Variants in IL12RB2 observed in about 807,000 individuals in gnomAD.
IL12RB2 encodes interleukin-12 receptor subunit beta-2.
Under a neutral mutation model 89.4 loss-of-function variants are expected in IL12RB2, and 82 were observed. That is an observed-to-expected ratio of 0.92 (90% CI 0.77 to 1.10). IL12RB2 has a LOEUF of 1.10. Among genes scored for constraint, IL12RB2 ranks in the 50% least tolerant of loss-of-function variants. The probability of loss-of-function intolerance (pLI) is 0.00; values close to 1 mark genes in which losing one functional copy is unlikely to be tolerated. For synonymous variants in IL12RB2, 368 were observed against 370.1 expected, an observed-to-expected ratio of 0.99 and a Z score of 0.07; for missense variants, 963 against 1,031.9, an observed-to-expected ratio of 0.93 and a Z score of 0.92.
chr1:67,326,921 T>C, intron 5 of IL12RB2, 72 bp downstream of exon 5: 1 of 1,203,314 alleles, frequency 8.3e-7, no homozygotes, highest in Middle Eastern at 2.8e-4. Context: ...AATATCTGTT[T>C]TCTTTATTTA....
intron 10 of IL12RB2, among the ~76,000 whole-genome samples, chr1:67,364,706 C>A (rs554663922): frequency 6.6e-6 from 1 of 152,316 alleles, no homozygotes; most frequent in Admixed American, 6.5e-5. Flanking sequence ...GACTTCAAGA[C>A]CACTGTGTCA....
intron 8 of IL12RB2, among the ~76,000 whole-genome samples, chr1:67,337,489 G>A (rs930818544): frequency 6.6e-6 from 1 of 152,096 alleles, no homozygotes; most frequent in African/African-American, 2.4e-5. Context: ...ACACATACAG[G>A]AGTTGATTAT....
intron 8 of IL12RB2, among the ~76,000 whole-genome samples, chr1:67,338,051 G>A (rs1659025343): frequency 6.6e-6 from 1 of 151,834 alleles, no homozygotes; most frequent in Admixed American, 6.6e-5. Flanking sequence ...TTAAGGCCGG[G>A]TGCAGTGGCT....
intron 8 of IL12RB2, among the ~76,000 whole-genome samples, chr1:67,332,784 A>G (rs1658266352): frequency 6.6e-6 from 1 of 152,218 alleles, no homozygotes; most frequent in Non-Finnish European, 1.5e-5. Context: ...AAAATATTTA[A>G]GTTATATCAC....
At chr1:67,326,169 A>G (rs1323458951) in intron 4 of IL12RB2, among the ~76,000 whole-genome samples, 1 of 152,242 alleles carries the variant, frequency 6.6e-6, no homozygotes, top group East Asian at 1.9e-4. Context: ...GTGTCTTGAC[A>G]GCAAATATCA....
intron 16 of IL12RB2, among the ~76,000 whole-genome samples, chr1:67,391,805 T>A (rs949554222): frequency 6.6e-6 from 1 of 151,688 alleles, no homozygotes; most frequent in African/African-American, 2.4e-5. Flanking sequence ...CCCGGCTAAT[T>A]TTTTTTTATT....
At chr1:67,344,629 C>T (rs1189561589) in intron 9 of IL12RB2, among the ~76,000 whole-genome samples, 1 of 152,208 alleles carries the variant, frequency 6.6e-6, no homozygotes, top group Non-Finnish European at 1.5e-5. Flanking sequence ...AGATCCAGAA[C>T]ATTGTCATTT....
At chr1:67,379,516 A>AAAAAAG (rs1664354058) in intron 13 of IL12RB2, among the ~76,000 whole-genome samples, 1 of 151,046 alleles carries the variant, frequency 6.6e-6, no homozygotes, top group Non-Finnish European at 1.5e-5. Flanking sequence ...TCTCAAAAAA[A>AAAAAAG]AAAAAAAAAA....
Position 67,380,074 on chromosome 1 carries a change from A to G in IL12RB2, c.1806A>G (p.Thr602=). The stretch of plus-strand genomic sequence containing the variant: ...ATGTCCTGTGGATGACAGCTCTGAC[A>G]GCTGCTGGTGAAAGTTCCCACGGAA... ...VTYVLWMTAL[T]AAGESSHGNE... is the part of the protein sequence containing the mutation. The change falls in exon 14 of 17, where the codon ACA becomes ACG. Residue 602 remains threonine, a synonymous_variant. Transcript: ENST00000674203. The G allele has an allele frequency of 6.2e-7, 1 of 1,614,172 alleles. No homozygotes were observed. Among genetic ancestry groups the G allele is most frequent in the Non-Finnish European group, 8.5e-7 (1 of 1,179,976 alleles).
At chr1:67,383,869 C>T (rs1416845439) in intron 14 of IL12RB2, among the ~76,000 whole-genome samples, 2 of 152,216 alleles carry the variant, frequency 1.3e-5, no homozygotes, top group African/African-American at 4.8e-5. Context: ...AGGTTAACTC[C>T]ATGTCTCACA....
rs192718376 is a variant in IL12RB2 at position 67,384,582 on chromosome 1, G to A, written c.1856-1997G>A. On this transcript the variant is annotated intron_variant, in intron 14 of 16. Coordinates refer to ENST00000674203, the MANE Select transcript of IL12RB2 (RefSeq NM_001374259.2). Reference sequence around the variant, plus strand: ...CTCATTACCTATGCAAATTTCTGCAGCCAGCTTGACTTTCTCCCCAGAAAA... The same window carrying A: ...CTCATTACCTATGCAAATTTCTGCAACCAGCTTGACTTTCTCCCCAGAAAA... Among the ~76,000 whole-genome samples, 340 of 152,306 alleles carry A rather than the reference G, an allele frequency of 2.2e-3. 1 individual carries two copies. Among genetic ancestry groups the A allele is most frequent in the African/African-American group, 7.9e-3 (330 of 41,564 alleles).
rs1402267044 is a variant in IL12RB2, at chr1:67,398,448, T to A, written c.*2359T>A. 6.6e-6 allele frequency among the ~76,000 whole-genome samples: 1 copy of A among 151,166 alleles called. No homozygotes were observed. The highest frequency in any genetic ancestry group is 1.5e-5 in the Non-Finnish European group (1 of 67,838). ...CCAAGTCTCCCATTTAACCTCCCCA[T>A]CCTTTTCTTTCCCTTAAAGTCTCAT... On this transcript the variant is annotated 3_prime_UTR_variant, in exon 17 of 17. Coordinates refer to ENST00000674203, the MANE Select transcript of IL12RB2 (RefSeq NM_001374259.2).
chr1:67,323,491 T>C (rs140775483), intron 4 of IL12RB2, among the ~76,000 whole-genome samples: 2 of 152,302 alleles, frequency 1.3e-5, no homozygotes, highest in Non-Finnish European at 2.9e-5. Context: ...AGACCTCTTA[T>C]ATGCAAAGTG....
chr1:67,313,792 C>G (rs910102889), intron 1 of IL12RB2, 121 bp from the exon 2 acceptor site: 7 of 152,342 alleles, frequency 4.6e-5, no homozygotes, highest in Admixed American at 1.3e-4. Flanking sequence ...TGCCATTGCA[C>G]TCCAGCCTGG....
chr1:67,321,675 A>C lies in IL12RB2; in HGVS notation c.150A>C (p.Thr50=), dbSNP rs367718880. 1.9e-6 allele frequency: 3 copies of C among 1,603,526 alleles called. No homozygotes were observed. In the African/African-American group the frequency reaches 4.0e-5, roughly 21 times the overall value. Residue 50 remains threonine (T), a synonymous_variant, in exon 4 of 17, where the codon ACA becomes ACC. Transcript: ENST00000674203. Reference sequence around the variant, plus strand: ...TACTTGGATCCACTGTCAATATTACATGCTCTTTGAAGCCCAGACAAGGCT... The same window carrying C: ...TACTTGGATCCACTGTCAATATTACCTGCTCTTTGAAGCCCAGACAAGGCT... ...VILLGSTVNI[T]CSLKPRQGCF...
At chr1:67,390,871 T>A (rs1665738231) in intron 16 of IL12RB2, among the ~76,000 whole-genome samples, 1 of 152,070 alleles carries the variant, frequency 6.6e-6, no homozygotes, top group African/African-American at 2.4e-5. Flanking sequence ...CTTTGACAAC[T>A]CCAGGCTCCC....
intron 10 of IL12RB2, among the ~76,000 whole-genome samples, chr1:67,362,909 G>A (rs574797092): frequency 6.8e-6 from 1 of 146,594 alleles, no homozygotes; most frequent in African/African-American, 2.5e-5. Context: ...TTAATTACTC[G>A]TTTTTTTTTT....
intron 2 of IL12RB2, among the ~76,000 whole-genome samples, chr1:67,320,112 C>T (rs1269538572): frequency 6.6e-6 from 1 of 152,172 alleles, no homozygotes; most frequent in African/African-American, 2.4e-5. Context: ...AATTCCTTCT[C>T]TAATCCTTTG....
Position 67,326,759 on chromosome 1 carries a change from T to A in IL12RB2, c.389T>A (p.Leu130Ter). ...GTTGCTCCAGAACAGCCTCAAAATT[T>A]ATCCTGCATACAGAAGGGAGAACAG... ...VGVAPEQPQN[L>*]SCIQKGEQGT... The change falls in exon 5 of 17, where the codon TTA becomes TAA. Residue 130 changes from leucine to a stop codon, truncating the protein, a stop_gained. Transcript: ENST00000674203. LOFTEE classifies it high-confidence loss of function. 6.2e-7 allele frequency: 1 copy of A among 1,613,562 alleles called. No homozygotes were observed.
Sources: gnomAD v4.1 joint callset for allele counts (sites outside exome capture counted in the v4.1 genomes callset) on GRCh38, gnomAD v4.1.1 for gene constraint, MANE v1.5 for transcripts, NCBI Gene and HGNC (gene_info 2026-07-23, HGNC 2026-07-21) for gene names.